Variants in ZBTB20 observed in about 807,000 individuals in gnomAD.
The protein encoded by ZBTB20 is zinc finger and BTB domain containing 20, also known as zinc finger and BTB domain-containing protein 20.
In ZBTB20, 9 loss-of-function variants were observed where a neutral mutation model predicts 56.9. That is an observed-to-expected ratio of 0.16 (90% CI 0.10 to 0.28). ZBTB20 has a LOEUF of 0.28. Ranked by LOEUF, ZBTB20 falls within the 10% of genes least tolerant of loss-of-function variation. The pLI is 1.00. For synonymous variants in ZBTB20, 417 were observed against 420.7 expected (o/e 0.99, Z 0.11); for missense variants, 655 against 1,003.0 (o/e 0.65, Z 4.69).
chr3:114,903,591 T>C (rs1436914445), intron 3 of ZBTB20, among the ~76,000 whole-genome samples: 1 of 152,028 alleles, frequency 6.6e-6, no homozygotes, highest in East Asian at 1.9e-4. Flanking sequence ...ACCAGCACTT[T>C]TAAGCTCCAT....
At chr3:114,380,110 A>G (rs941733619) in intron 10 of ZBTB20, 107 bp downstream of exon 10, 5 of 1,229,810 alleles carry the variant, frequency 4.1e-6, no homozygotes, top group Non-Finnish European at 5.4e-6. Flanking sequence ...GCTGCTTTAG[A>G]AGACCAAATG....
At position 114,568,406 on chromosome 3, in the gene ZBTB20, T is replaced by A. The variant is rs370800791; in HGVS notation, c.-294-68015A>T. ...GAACAGCTTACATGTCTGGTACACT[T>A]GCATAAAAACTATCGCATAGCATTT... On this transcript the variant is annotated intron_variant, in intron 6 of 11. Coordinates refer to ENST00000675478, the MANE Select transcript of ZBTB20 (RefSeq NM_001348800.3). Among the ~76,000 whole-genome samples the A allele has an allele frequency of 2.0e-4, 30 of 152,340 alleles. No homozygotes were observed. In the East Asian group the frequency reaches 5.2e-3, roughly 26 times the overall value.
At chr3:115,085,184 A>C (rs1576742462) in intron 1 of ZBTB20, among the ~76,000 whole-genome samples, 1 of 151,990 alleles carries the variant, frequency 6.6e-6, no homozygotes, top group South Asian at 2.1e-4. Context: ...GATAAATGAA[A>C]CCCGTTATTG....
At chr3:114,936,159 A>G (rs893532298) in intron 3 of ZBTB20, among the ~76,000 whole-genome samples, 1 of 152,216 alleles carries the variant, frequency 6.6e-6, no homozygotes, top group African/African-American at 2.4e-5. Context: ...GAAGAAAAAA[A>G]ACAAGATTGT....
intron 2 of ZBTB20, among the ~76,000 whole-genome samples, chr3:115,061,103 GT>G (rs1217172756): frequency 6.6e-6 from 1 of 152,098 alleles, no homozygotes; most frequent in East Asian, 1.9e-4. Context: ...TTGGATTCCA[GT>G]TGTTCTGATA....
chr3:114,372,354 G>A (rs1256543443), intron 10 of ZBTB20, among the ~76,000 whole-genome samples: 6 of 152,202 alleles, frequency 3.9e-5, no homozygotes, highest in African/African-American at 1.4e-4. Context: ...CTGTTTGGGA[G>A]AGCAATATGA....
In ZBTB20 at chr3:114,883,916, C is replaced by CCTTTTTTTTTTTTTTTTTTTTTT. The variant is rs1223732179; in HGVS notation, c.-417+16387_-417+16388insAAAAAAAAAAAAAAAAAAAAAAG. On this transcript the variant is annotated intron_variant, in intron 4 of 11. Coordinates refer to ENST00000675478, the MANE Select transcript of ZBTB20 (RefSeq NM_001348800.3). Reference sequence around the variant, plus strand: ...GTATAACTGGTAAGAATGGTGTGTTCTTTTTTTTTTTTTTTTTTTTTTTTT... The same window carrying CCTTTTTTTTTTTTTTTTTTTTTT: ...GTATAACTGGTAAGAATGGTGTGTTCCTTTTTTTTTTTTTTTTTTTTTTTTTTTTTTTTTTTTTTTTTTTTTTT... 1.0e-4 allele frequency among the ~76,000 whole-genome samples: 9 copies of CCTTTTTTTTTTTTTTTTTTTTTT among 89,774 alleles called. 4 individuals carry two copies. Among genetic ancestry groups the CCTTTTTTTTTTTTTTTTTTTTTT allele is most frequent in the African/African-American group, 1.6e-4 (4 of 25,040 alleles). The allele number at this position is 89,774 out of a possible 152,430, so 58.9% of individuals were successfully genotyped here.
intron 7 of ZBTB20, among the ~76,000 whole-genome samples, chr3:114,496,457 C>T (rs1291286722): frequency 2.0e-5 from 3 of 152,192 alleles, no homozygotes; most frequent in African/African-American, 7.2e-5. Flanking sequence ...ACTCAGGTCA[C>T]TGGGGGACCT....
At chr3:114,867,726 C>T (rs2075824122) in intron 4 of ZBTB20, among the ~76,000 whole-genome samples, 1 of 152,160 alleles carries the variant, frequency 6.6e-6, no homozygotes, top group Non-Finnish European at 1.5e-5. Context: ...TGAGCCACCG[C>T]ACCTGCCCCA....
At chr3:115,098,036 T>C (rs1191118815) in intron 1 of ZBTB20, among the ~76,000 whole-genome samples, 2 of 152,260 alleles carry the variant, frequency 1.3e-5, no homozygotes, top group Non-Finnish European at 2.9e-5. Context: ...CTTGCTTTTA[T>C]TCTTGCTAAA....
At chr3:114,891,673 T>C (rs1362994889) in intron 4 of ZBTB20, among the ~76,000 whole-genome samples, 1 of 152,214 alleles carries the variant, frequency 6.6e-6, no homozygotes, top group African/African-American at 2.4e-5. Context: ...TTGATAACAC[T>C]TAACGATTAA....
rs117905684 is a variant in ZBTB20, at chr3:114,639,241, G to T, written c.-295+54287C>A. Among the ~76,000 whole-genome samples the T allele has an allele frequency of 1.2e-4, 18 of 152,148 alleles. No homozygotes were observed. In the East Asian group the frequency reaches 3.5e-3, roughly 29 times the overall value. On this transcript the variant is annotated intron_variant, in intron 6 of 11. Transcript: ENST00000675478. ...AAATGAGTAGCTTTGGGTCATTTTA[G>T]GTTAGTGACCTTAAACATAAGGTGT... is the stretch of plus-strand genomic sequence containing the variant.
intron 7 of ZBTB20, among the ~76,000 whole-genome samples, chr3:114,461,300 C>T (rs932392889): frequency 6.6e-6 from 1 of 151,052 alleles, no homozygotes; most frequent in Non-Finnish European, 1.5e-5. Flanking sequence ...ATCTCCTCCC[C>T]CCCCCCTCTT....
chr3:114,461,288 C>A (rs927072705), intron 7 of ZBTB20, among the ~76,000 whole-genome samples: 1 of 149,690 alleles, frequency 6.7e-6, no homozygotes, highest in Non-Finnish European at 1.5e-5. Flanking sequence ...ACAAACAAAA[C>A]AATCTCCTCC....
chr3:114,867,504 C>T (rs1249270065), intron 4 of ZBTB20, among the ~76,000 whole-genome samples: 10 of 152,180 alleles, frequency 6.6e-5, no homozygotes, highest in African/African-American at 2.2e-4. Context: ...GGCACAATCT[C>T]GTCTCATTGC....
chr3:114,442,012 C>T (rs146855390), intron 7 of ZBTB20, among the ~76,000 whole-genome samples: 11 of 152,220 alleles, frequency 7.2e-5, no homozygotes, highest in African/African-American at 1.7e-4. Flanking sequence ...CTCCAAAGCT[C>T]GTGTTTGGTG....
At chr3:114,582,594 G>T (rs918447756) in intron 6 of ZBTB20, among the ~76,000 whole-genome samples, 1 of 152,092 alleles carries the variant, frequency 6.6e-6, no homozygotes, top group African/African-American at 2.4e-5. Flanking sequence ...TGGCCAGGCT[G>T]GTCTCGAACT....
intron 5 of ZBTB20, among the ~76,000 whole-genome samples, chr3:114,744,817 C>T (rs1000003997): frequency 2.6e-5 from 4 of 151,988 alleles, no homozygotes; most frequent in African/African-American, 9.7e-5. Flanking sequence ...TTCTTGCTGT[C>T]TTCTCACTTT....
intron 5 of ZBTB20, among the ~76,000 whole-genome samples, chr3:114,711,653 C>G (rs1330424528): frequency 6.6e-6 from 1 of 152,178 alleles, no homozygotes; most frequent in East Asian, 1.9e-4. Flanking sequence ...AGACTGGCAT[C>G]AAATGCTGAC....
Sources: allele counts gnomAD v4.1 joint callset (sites outside exome capture counted in the v4.1 genomes callset), GRCh38; gene constraint gnomAD v4.1.1; transcripts MANE v1.5; gene names NCBI Gene and HGNC (gene_info 2026-07-23, HGNC 2026-07-21).